Variants in TTC9C observed in about 807,000 individuals in gnomAD.
TTC9C encodes the protein tetratricopeptide repeat protein 9C.
Under a neutral mutation model 22.5 loss-of-function variants are expected in TTC9C, and 15 were observed. The ratio of observed to expected loss-of-function variants is 0.67; its 90% CI spans 0.45 to 1.03. The LOEUF (loss-of-function observed/expected upper bound fraction) is 1.03, where lower values mean the gene tolerates loss of function less well. TTC9C is among the 50% of genes least tolerant of loss of function. The pLI is 0.00. For missense variants in TTC9C, 244 were observed against 214.6 expected (o/e 1.14, Z -0.86); for synonymous variants, 92 against 86.8 (o/e 1.06, Z -0.33).
chr11:62,736,771 C>T (rs2083918212), intron 2 of TTC9C, among the ~76,000 whole-genome samples: 9 of 148,828 alleles, frequency 6.0e-5, no homozygotes, highest in Admixed American at 6.0e-4. Flanking sequence ...CAGGGAGAAT[C>T]GCTTGAACCC....
At chr11:62,736,490 C>G (rs1031424953) in intron 2 of TTC9C, among the ~76,000 whole-genome samples, 21 of 151,522 alleles carry the variant, frequency 1.4e-4, no homozygotes, top group African/African-American at 5.1e-4. Context: ...GTCAGGAGAT[C>G]GAGACCATCC....
intron 1 of TTC9C, among the ~76,000 whole-genome samples, chr11:62,732,152 C>T (rs1160815403): frequency 6.6e-6 from 1 of 151,436 alleles, no homozygotes; most frequent in African/African-American, 2.4e-5. Flanking sequence ...CCCGCCACCA[C>T]GCCTGGCTAA....
At chr11:62,729,128 G>C in intron 1 of TTC9C, 42 bp downstream of exon 1, 1 of 1,560,740 alleles carries the variant, frequency 6.4e-7, no homozygotes, top group Non-Finnish European at 8.8e-7. Flanking sequence ...CATTAAGACA[G>C]GAACATGAAC....
At chr11:62,728,379 G>C (rs1409407538), upstream of TTC9C, 1 of 373,708 alleles carries the variant, frequency 2.7e-6, no homozygotes, top group Admixed American at 3.7e-5. Context: ...GAATAAGGAA[G>C]AAGAGTTAGA....
At chr11:62,733,720 A>T (rs1436271168) in intron 1 of TTC9C, among the ~76,000 whole-genome samples, 4 of 152,010 alleles carry the variant, frequency 2.6e-5, no homozygotes, top group Non-Finnish European at 5.9e-5. Flanking sequence ...GGGGCCGGGC[A>T]CAGTGACTCA....
intron 1 of TTC9C, chr11:62,733,334 T>C (rs913807399): frequency 1.3e-5 from 5 of 380,386 alleles, no homozygotes; most frequent in Admixed American, 4.6e-5. Context: ...ACCTGTAAGA[T>C]CTTAGACAAG....
Position 62,728,793 on chromosome 11 carries a change from C to G in TTC9C, c.-56C>G. On this transcript the variant is annotated 5_prime_UTR_variant, in exon 1 of 3. Coordinates refer to ENST00000316461, the MANE Select transcript of TTC9C (RefSeq NM_173810.4). ...CTGTCAGTTATTTTGCTCCCAACCC[C>G]AGAGCTTCACTTGCTCCTTCACTTC... The G allele has an allele frequency of 1.3e-6, 2 of 1,579,186 alleles. No homozygotes were observed. The highest frequency in any genetic ancestry group is 2.2e-5 in the East Asian group (1 of 44,666).
chr11:62,730,841 G>A (rs1045816896), intron 1 of TTC9C, among the ~76,000 whole-genome samples: 3 of 151,820 alleles, frequency 2.0e-5, no homozygotes, highest in Non-Finnish European at 2.9e-5. Flanking sequence ...CCAAAGTGCT[G>A]GGATTACAGG....
At chr11:62,731,079 G>T (rs969866107) in intron 1 of TTC9C, among the ~76,000 whole-genome samples, 8 of 151,334 alleles carry the variant, frequency 5.3e-5, no homozygotes, top group African/African-American at 1.9e-4. Context: ...AGTAGAGACG[G>T]GGTTTTGCCA....
intron 1 of TTC9C, among the ~76,000 whole-genome samples, chr11:62,729,570 T>C: frequency 9.3e-6 from 1 of 107,324 alleles, no homozygotes; most frequent in African/African-American, 5.3e-5. Context: ...GCCCAGCTAA[T>C]TTTTTTTTTT....
chr11:62,728,367 T>C (rs1392632265), upstream of TTC9C: 1 of 365,792 alleles, frequency 2.7e-6, no homozygotes, highest in Non-Finnish European at 5.4e-6. Context: ...CAAATAAATG[T>C]TGAATAAGGA....
intron 1 of TTC9C, among the ~76,000 whole-genome samples, chr11:62,729,369 A>ATTTTT (rs1290550249): frequency 7.6e-6 from 1 of 130,906 alleles, no homozygotes; most frequent in Non-Finnish European, 1.6e-5. Context: ...GCATTTCTTT[A>ATTTTT]TTTTTTTATT....
chr11:62,735,121 C>T (rs1420772219), intron 1 of TTC9C, among the ~76,000 whole-genome samples: 2 of 152,006 alleles, frequency 1.3e-5, no homozygotes, highest in East Asian at 3.9e-4. Flanking sequence ...CTCGAACTCC[C>T]GACCTCAGGT....
intron 2 of TTC9C, 95 bp downstream of exon 2, chr11:62,735,659 A>G: frequency 1.4e-6 from 2 of 1,440,252 alleles, no homozygotes; most frequent in South Asian, 1.5e-5. Context: ...CCAATGTATT[A>G]TTTTCAATAA....
At chr11:62,732,188 G>A (rs2083859009) in intron 1 of TTC9C, among the ~76,000 whole-genome samples, 2 of 151,056 alleles carry the variant, frequency 1.3e-5, no homozygotes, top group African/African-American at 4.9e-5. Context: ...GTAGAGACGG[G>A]GTTTTACCGT....
rs944730432 is a variant in TTC9C at position 62,735,905 on chromosome 11, A to G, written c.421+341A>G. 6.8e-5 allele frequency: 11 copies of G among 162,006 alleles called. 1 individual carries two copies. The highest frequency in any genetic ancestry group is 2.6e-4 in the African/African-American group (11 of 41,512). The allele number at this position is 162,006 out of a possible 1,614,324, so 10.0% of individuals were successfully genotyped here. On this transcript the variant is annotated intron_variant, in intron 2 of 2. Coordinates refer to ENST00000316461, the MANE Select transcript of TTC9C (RefSeq NM_173810.4). The stretch of plus-strand genomic sequence containing the variant: ...TATCAACGTGCTTTTATTTATAAAT[A>G]TACAGTGTATATATTTATACATATA...
rs1468678231 is a variant in TTC9C, at chr11:62,728,631, A to G, written c.-218A>G. ...TTATTCCCACATCCCTTTCCTTACT[A>G]CTTGCCTGCACTTCTTGAGAAAAAG... On this transcript the variant is annotated 5_prime_UTR_variant, in exon 1 of 3. Transcript: ENST00000316461. The G allele has an allele frequency of 1.5e-6, 1 of 678,038 alleles. No homozygotes were observed. Among genetic ancestry groups the G allele is most frequent in the Admixed American group, 2.0e-5 (1 of 49,168 alleles). The allele number at this position is 678,038 out of a possible 1,614,324, so 42.0% of individuals were successfully genotyped here. A position where few individuals can be genotyped will look rare whatever the true frequency, so the allele number is the denominator to read the frequency against.
At position 62,728,562 on chromosome 11, in the gene TTC9C, C is replaced by G; in HGVS notation, c.-287C>G. The G allele has an allele frequency of 1.8e-6, 1 of 540,648 alleles. No individual in the cohort carries two copies. The highest frequency in any genetic ancestry group is 4.6e-5 in the East Asian group (1 of 21,850). The allele number at this position is 540,648 out of a possible 1,614,324, so 33.5% of individuals were successfully genotyped here. A position where few individuals can be genotyped will look rare whatever the true frequency, so the allele number is the denominator to read the frequency against. ...TGAGTTCTTCGGAAAGTCTCATCCA[C>G]CCCCACATCGCCTCTTTAGGAAGTC... On this transcript the variant is annotated 5_prime_UTR_variant, in exon 1 of 3. Transcript: ENST00000316461.
upstream of TTC9C, chr11:62,728,211 G>T (rs192540285): frequency 1.3e-5 from 4 of 307,134 alleles, no homozygotes; most frequent in Non-Finnish European, 2.5e-5. Context: ...GTAAACCGAA[G>T]CCCAGGAGAC....
Sources: gnomAD v4.1 joint callset for allele counts (sites outside exome capture counted in the v4.1 genomes callset) on GRCh38, gnomAD v4.1.1 for gene constraint, MANE v1.5 for transcripts, NCBI Gene and HGNC (gene_info 2026-07-23, HGNC 2026-07-21) for gene names.